ADAMTS3: variants seen among roughly 807,000 people sequenced by gnomAD.
ADAMTS3 encodes the protein A disintegrin and metalloproteinase with thrombospondin motifs 3.
A neutral mutation model predicts 129.0 loss-of-function variants in ADAMTS3; 73 were observed. The ratio of observed to expected loss-of-function variants is 0.57; its 90% CI spans 0.47 to 0.69. ADAMTS3 has a LOEUF of 0.69. ADAMTS3 is among the 30% of genes least tolerant of loss of function. The pLI is 0.00. For missense variants in ADAMTS3, 1,457 were observed against 1,514.5 expected, an observed-to-expected ratio of 0.96 and a Z score of 0.63; for synonymous variants, 477 against 510.8, an observed-to-expected ratio of 0.93 and a Z score of 0.89.
intron 3 of ADAMTS3, among the ~76,000 whole-genome samples, chr4:72,521,755 C>G (rs1720681476): frequency 6.6e-6 from 1 of 152,120 alleles, no homozygotes; most frequent in Non-Finnish European, 1.5e-5. Flanking sequence ...TGAAGTTAAT[C>G]ATATCTCTTA....
intron 3 of ADAMTS3, among the ~76,000 whole-genome samples, chr4:72,464,208 A>C (rs140132860): frequency 1.1e-3 from 163 of 152,086 alleles, no homozygotes; most frequent in African/African-American, 3.9e-3. Context: ...GCCACATTGA[A>C]CACTGGCTGT....
intron 4 of ADAMTS3, among the ~76,000 whole-genome samples, chr4:72,389,047 T>C (rs531663752): frequency 6.6e-6 from 1 of 152,258 alleles, no homozygotes; most frequent in South Asian, 2.1e-4. Flanking sequence ...AAATTCCAGA[T>C]TCCCAGAAAA....
rs143863984 is a variant in ADAMTS3 at position 72,352,219 on chromosome 4, G to C, written c.662-12526C>G. 6.3e-3 allele frequency among the ~76,000 whole-genome samples: 957 copies of C among 151,984 alleles called. 13 individuals carry two copies. The highest frequency in any genetic ancestry group is 0.022 in the African/African-American group (925 of 41,482). On this transcript the variant is annotated intron_variant, in intron 4 of 21. Transcript: ENST00000286657. Reference sequence around the variant, plus strand: ...AACACTTTACCACGTTACCACCAGTGGTATACAGTGGTATTGATTTTGTAT... The same window carrying C: ...AACACTTTACCACGTTACCACCAGTCGTATACAGTGGTATTGATTTTGTAT...
chr4:72,443,947 A>C (rs190049843), intron 3 of ADAMTS3, among the ~76,000 whole-genome samples: 3 of 151,886 alleles, frequency 2.0e-5, no homozygotes, highest in Admixed American at 2.0e-4. Flanking sequence ...CCCTGCAGAC[A>C]AAGTCATATA....
chr4:72,392,088 T>A (rs747006227), intron 4 of ADAMTS3, among the ~76,000 whole-genome samples: 1 of 152,198 alleles, frequency 6.6e-6, no homozygotes, highest in Non-Finnish European at 1.5e-5. Flanking sequence ...AACATTTCCA[T>A]CTGGATAGTG....
intron 4 of ADAMTS3, among the ~76,000 whole-genome samples, chr4:72,369,606 G>T (rs1720953464): frequency 6.6e-6 from 1 of 152,030 alleles, no homozygotes; most frequent in African/African-American, 2.4e-5. Context: ...AGCTACTGGG[G>T]AGGCTGAGGC....
chr4:72,292,747 A>AT (rs1174441834), intron 19 of ADAMTS3, among the ~76,000 whole-genome samples: 15 of 151,902 alleles, frequency 9.9e-5, no homozygotes, highest in Admixed American at 5.9e-4. Context: ...TCCCTCTGCA[A>AT]TTTATTTTTC....
chr4:72,316,802 AT>A (rs771125771), intron 10 of ADAMTS3, among the ~76,000 whole-genome samples: 42 of 152,216 alleles, frequency 2.8e-4, no homozygotes, highest in South Asian at 2.3e-3. Flanking sequence ...GTACAACAAA[AT>A]ATCATAATAC....
At chr4:72,509,994 C>A (rs1720270658) in intron 3 of ADAMTS3, among the ~76,000 whole-genome samples, 2 of 151,112 alleles carry the variant, frequency 1.3e-5, no homozygotes, top group East Asian at 3.9e-4. Context: ...ATCATATCAA[C>A]AGGATGAAGA....
chr4:72,358,655 T>C (rs566425418), intron 4 of ADAMTS3, among the ~76,000 whole-genome samples: 2 of 152,116 alleles, frequency 1.3e-5, no homozygotes, highest in African/African-American at 4.8e-5. Context: ...AGATTTCACT[T>C]CTCTTAGTCC....
intron 19 of ADAMTS3, among the ~76,000 whole-genome samples, chr4:72,294,421 T>C (rs1057172875): frequency 1.3e-5 from 2 of 152,100 alleles, no homozygotes; most frequent in African/African-American, 2.4e-5. Context: ...AAACTGATAT[T>C]TCAAAATTGC....
chr4:72,380,998 TC>T lies in ADAMTS3; in HGVS notation c.661+33816del, dbSNP rs142746537. 2.4e-3 allele frequency among the ~76,000 whole-genome samples: 372 copies of T among 152,304 alleles called. 1 individual carries two copies. Among genetic ancestry groups the T allele is most frequent in the African/African-American group, 8.8e-3 (367 of 41,574 alleles). ...TTTGGAGGTGACATTTATCACTGAC[TC>T]ATTCATATGATTTTAAAAAGCTCCC... On this transcript the variant is annotated intron_variant, in intron 4 of 21. Coordinates refer to ENST00000286657, the MANE Select transcript of ADAMTS3 (RefSeq NM_014243.3).
chr4:72,544,791 C>T (rs1393976197), intron 3 of ADAMTS3, among the ~76,000 whole-genome samples: 1 of 152,134 alleles, frequency 6.6e-6, no homozygotes, highest in Non-Finnish European at 1.5e-5. Flanking sequence ...CATTACTTTT[C>T]AGGCCAACAA....
intron 3 of ADAMTS3, among the ~76,000 whole-genome samples, chr4:72,450,998 AG>A (rs1718388954): frequency 6.6e-6 from 1 of 150,832 alleles, no homozygotes. Flanking sequence ...AGAGAAGAGA[AG>A]AGAAGAGAAG....
chr4:72,452,834 CT>C (rs1343229580), intron 3 of ADAMTS3, among the ~76,000 whole-genome samples: 1 of 151,768 alleles, frequency 6.6e-6, no homozygotes, highest in East Asian at 1.9e-4. Context: ...TAACTATTTA[CT>C]TGTGTCAAAT....
At chr4:72,520,286 G>A (rs915693055) in intron 3 of ADAMTS3, among the ~76,000 whole-genome samples, 110 of 152,064 alleles carry the variant, frequency 7.2e-4, no homozygotes, top group Admixed American at 3.3e-3. Context: ...TCGGGGGTCA[G>A]GGGTCAGGGA....
At chr4:72,372,680 G>T (rs890817970) in intron 4 of ADAMTS3, among the ~76,000 whole-genome samples, 7 of 151,814 alleles carry the variant, frequency 4.6e-5, no homozygotes, top group African/African-American at 1.7e-4. Flanking sequence ...GCTAGATATA[G>T]AATTTTTTAA....
intron 3 of ADAMTS3, among the ~76,000 whole-genome samples, chr4:72,545,957 A>C (rs908703414): frequency 6.6e-6 from 1 of 152,190 alleles, no homozygotes; most frequent in Non-Finnish European, 1.5e-5. Flanking sequence ...AAATGTTCTC[A>C]ATCATAGGCA....
At chr4:72,329,766 G>A (rs1719797702) in intron 5 of ADAMTS3, among the ~76,000 whole-genome samples, 1 of 148,864 alleles carries the variant, frequency 6.7e-6, no homozygotes, top group South Asian at 2.1e-4. Context: ...AAAAAAAAAC[G>A]ATCTACGATG....
Sources: gnomAD v4.1 joint callset for allele counts (sites outside exome capture counted in the v4.1 genomes callset) on GRCh38, gnomAD v4.1.1 for gene constraint, MANE v1.5 for transcripts, NCBI Gene and HGNC (gene_info 2026-07-23, HGNC 2026-07-21) for gene names.